CEP112: variants seen among roughly 807,000 people sequenced by gnomAD.
CEP112 encodes the protein centrosomal protein of 112 kDa.
In CEP112, 127 loss-of-function variants were observed where a neutral mutation model predicts 153.0. The observed-to-expected ratio is 0.83, with a 90% confidence interval of 0.72 to 0.96. CEP112 has a LOEUF of 0.96. Ranked by LOEUF, CEP112 falls within the 40% of genes least tolerant of loss-of-function variation. CEP112 has a pLI of 0.00. For missense variants in CEP112, 1,089 were observed against 1,101.2 expected, an observed-to-expected ratio of 0.99 and a Z score of 0.16; for synonymous variants, 358 against 374.4, an observed-to-expected ratio of 0.96 and a Z score of 0.51.
intron 23 of CEP112, among the ~76,000 whole-genome samples, chr17:65,720,749 A>T (rs1441096868): frequency 6.6e-6 from 1 of 152,226 alleles, no homozygotes; most frequent in Non-Finnish European, 1.5e-5. Flanking sequence ...GTAATTTAAC[A>T]GTTACATAAA....
At chr17:65,871,817 T>C (rs1421129546) in intron 20 of CEP112, among the ~76,000 whole-genome samples, 1 of 152,202 alleles carries the variant, frequency 6.6e-6, no homozygotes, top group East Asian at 1.9e-4. Context: ...ATATCTTCAG[T>C]GTCAGATGAC....
chr17:65,895,765 C>A (rs937653683), intron 20 of CEP112, among the ~76,000 whole-genome samples: 2 of 152,062 alleles, frequency 1.3e-5, no homozygotes, highest in African/African-American at 4.8e-5. Flanking sequence ...AAATGGAATA[C>A]AGTTGGATGT....
intron 20 of CEP112, among the ~76,000 whole-genome samples, chr17:65,878,298 T>C (rs2058916559): frequency 6.6e-6 from 1 of 152,192 alleles, no homozygotes; most frequent in Non-Finnish European, 1.5e-5. Flanking sequence ...TGTATATGTA[T>C]GCTAAAACAT....
At chr17:65,931,586 G>A (rs893503478) in intron 18 of CEP112, among the ~76,000 whole-genome samples, 2 of 152,232 alleles carry the variant, frequency 1.3e-5, no homozygotes, top group African/African-American at 4.8e-5. Flanking sequence ...GGAAAATGGA[G>A]CTCACAGCAA....
chr17:66,069,694 A>G (rs1303535555), intron 9 of CEP112, among the ~76,000 whole-genome samples: 2 of 152,160 alleles, frequency 1.3e-5, no homozygotes, highest in Non-Finnish European at 2.9e-5. Flanking sequence ...TAATGTAAAT[A>G]TAAGGTTTTA....
At chr17:65,837,950 C>T (rs1160489913) in intron 21 of CEP112, among the ~76,000 whole-genome samples, 4 of 152,068 alleles carry the variant, frequency 2.6e-5, no homozygotes, top group East Asian at 1.9e-4. Flanking sequence ...ACAAACACTG[C>T]GGAAGGCGGC....
chr17:65,920,786 G>A (rs2060698114), intron 19 of CEP112, among the ~76,000 whole-genome samples: 1 of 151,870 alleles, frequency 6.6e-6, no homozygotes, highest in Non-Finnish European at 1.5e-5. Flanking sequence ...GACCATATCT[G>A]CCAGCCCTCT....
chr17:66,134,394 C>T (rs2070344067), intron 4 of CEP112, among the ~76,000 whole-genome samples: 1 of 152,140 alleles, frequency 6.6e-6, no homozygotes, highest in Non-Finnish European at 1.5e-5. Flanking sequence ...TACAGTATGA[C>T]TTGCATTCAT....
intron 25 of CEP112, among the ~76,000 whole-genome samples, chr17:65,640,097 C>T (rs1186036592): frequency 6.8e-6 from 1 of 147,684 alleles, no homozygotes; most frequent in Non-Finnish European, 1.5e-5. Flanking sequence ...TGTGGCCTCC[C>T]AAAGTGCTGG....
chr17:66,133,194 G>A (rs2070279073), intron 4 of CEP112, among the ~76,000 whole-genome samples: 2 of 151,974 alleles, frequency 1.3e-5, no homozygotes, highest in East Asian at 3.9e-4. Flanking sequence ...TTATGCAAAT[G>A]CTATTTTTAA....
chr17:66,047,746 A>G (rs2066273537), intron 12 of CEP112, among the ~76,000 whole-genome samples: 1 of 152,242 alleles, frequency 6.6e-6, no homozygotes, highest in African/African-American at 2.4e-5. Flanking sequence ...GCAGAAATAT[A>G]AAACTTTATA....
At chr17:65,833,388 T>C (rs1035309261) in intron 21 of CEP112, among the ~76,000 whole-genome samples, 1 of 152,110 alleles carries the variant, frequency 6.6e-6, no homozygotes, top group East Asian at 1.9e-4. Context: ...ATAAAGGACA[T>C]CCGAATAAGA....
chr17:65,891,990 T>A (rs1188317467), intron 20 of CEP112, among the ~76,000 whole-genome samples: 1 of 152,232 alleles, frequency 6.6e-6, no homozygotes, highest in Non-Finnish European at 1.5e-5. Context: ...GTTATTGCTA[T>A]GTGATACTCT....
intron 19 of CEP112, among the ~76,000 whole-genome samples, chr17:65,909,612 C>T (rs73346816): frequency 0.011 from 1,719 of 152,256 alleles, 40 homozygotes; most frequent in African/African-American, 0.039. Flanking sequence ...ACTGAACATA[C>T]TTGGCACTGG....
intron 24 of CEP112, among the ~76,000 whole-genome samples, chr17:65,672,253 G>GA (rs1173194364): frequency 1.3e-5 from 2 of 152,126 alleles, no homozygotes; most frequent in African/African-American, 4.8e-5. Context: ...CAGTTGTAAT[G>GA]AAAAAACTAA....
At chr17:66,133,239 T>C (rs752675046) in intron 4 of CEP112, among the ~76,000 whole-genome samples, 3 of 152,216 alleles carry the variant, frequency 2.0e-5, no homozygotes, top group Non-Finnish European at 4.4e-5. Context: ...ATTTAAATCT[T>C]TTCTCCTCCT....
intron 21 of CEP112, among the ~76,000 whole-genome samples, chr17:65,820,750 A>C (rs2056489739): frequency 6.6e-6 from 1 of 152,178 alleles, no homozygotes; most frequent in Admixed American, 6.5e-5. Context: ...CATAGAAATA[A>C]CAGGCCTAAA....
intron 21 of CEP112, among the ~76,000 whole-genome samples, chr17:65,805,843 TA>T (rs1200828884): frequency 1.3e-5 from 2 of 152,204 alleles, no homozygotes; most frequent in Admixed American, 1.3e-4. Context: ...ATCAAAACTT[TA>T]AAAAAATCTT....
chr17:65,758,200 T>C (rs1320397429), intron 21 of CEP112, among the ~76,000 whole-genome samples: 2 of 152,168 alleles, frequency 1.3e-5, no homozygotes, highest in Admixed American at 1.3e-4. Flanking sequence ...GTAGTCATAG[T>C]AGTAGTAGTG....
Sources: gnomAD v4.1 joint callset for allele counts (sites outside exome capture counted in the v4.1 genomes callset) on GRCh38, gnomAD v4.1.1 for gene constraint, MANE v1.5 for transcripts, NCBI Gene and HGNC (gene_info 2026-07-23, HGNC 2026-07-21) for gene names.